GCNT2: variants seen among roughly 807,000 people sequenced by gnomAD.
GCNT2 encodes the protein N-acetyllactosaminide beta-1,6-N-acetylglucosaminyl-transferase.
GCNT2 carries 34 observed loss-of-function variants against 34.2 expected under a neutral mutation model. The ratio of observed to expected loss-of-function variants is 1.00; its 90% CI spans 0.76 to 1.32. The LOEUF is 1.32. GCNT2 is among the 40% of genes most tolerant of loss of function. The pLI is 0.00. For missense variants in GCNT2, 584 were observed against 489.4 expected, an observed-to-expected ratio of 1.19 and a Z score of -1.82; for synonymous variants, 212 against 188.0, an observed-to-expected ratio of 1.13 and a Z score of -1.04.
intron 3 of GCNT2, among the ~76,000 whole-genome samples, chr6:10,546,511 TAGCC>T (rs896695828): frequency 6.6e-6 from 1 of 151,918 alleles, no homozygotes; most frequent in African/African-American, 2.4e-5. Context: ...ACAAAAAAAT[TAGCC>T]AGGCGTGGTG....
At chr6:10,537,040 A>C (rs1454679677) in intron 3 of GCNT2, among the ~76,000 whole-genome samples, 1 of 152,144 alleles carries the variant, frequency 6.6e-6, no homozygotes, top group African/African-American at 2.4e-5. Flanking sequence ...CTGGGATTAC[A>C]GGTGTGAGCC....
rs561809090 is a variant in GCNT2 at position 10,540,087 on chromosome 6, G to A, written c.925+10251G>A. 2.4e-4 allele frequency among the ~76,000 whole-genome samples: 35 copies of A among 146,280 alleles called. No homozygotes were observed. In the South Asian group the frequency reaches 5.9e-3, roughly 25 times the overall value. On this transcript the variant is annotated intron_variant, in intron 3 of 4. Transcript: ENST00000495262. Reference sequence around the variant, plus strand: ...AGTGAGACCCCATCTCAAAAAAAAAGGAAGGAAAGGAAGGAAGGAAAAGGA... The same window carrying A: ...AGTGAGACCCCATCTCAAAAAAAAAAGAAGGAAAGGAAGGAAGGAAAAGGA...
chr6:10,543,810 C>CT (rs757127448), intron 3 of GCNT2, among the ~76,000 whole-genome samples: 2 of 152,128 alleles, frequency 1.3e-5, no homozygotes, highest in Non-Finnish European at 2.9e-5. Context: ...ACTGAGGACA[C>CT]TGAGATATGG....
chr6:10,533,272 C>T (rs1581367196), intron 3 of GCNT2, among the ~76,000 whole-genome samples: 1 of 151,962 alleles, frequency 6.6e-6, no homozygotes, highest in African/African-American at 2.4e-5. Context: ...TGCCACTGCA[C>T]TCGCGTCTGG....
intron 3 of GCNT2, among the ~76,000 whole-genome samples, chr6:10,534,910 A>C (rs1420815172): frequency 6.6e-6 from 1 of 152,146 alleles, no homozygotes; most frequent in Non-Finnish European, 1.5e-5. Context: ...GGGTCCGGGC[A>C]CAGTGGCTCA....
At chr6:10,564,235 G>A (rs1477424561) in intron 3 of GCNT2, among the ~76,000 whole-genome samples, 1 of 152,116 alleles carries the variant, frequency 6.6e-6, no homozygotes, top group Non-Finnish European at 1.5e-5. Context: ...TATGAAGACG[G>A]GACCAGAGGG....
At chr6:10,546,805 T>C (rs1178094406) in intron 3 of GCNT2, among the ~76,000 whole-genome samples, 1 of 152,186 alleles carries the variant, frequency 6.6e-6, no homozygotes, top group Non-Finnish European at 1.5e-5. Flanking sequence ...ATGTAAACAG[T>C]ACACAAAAGA....
intron 3 of GCNT2, among the ~76,000 whole-genome samples, chr6:10,612,936 T>C (rs1476442813): frequency 5.3e-5 from 8 of 152,244 alleles, no homozygotes; most frequent in Admixed American, 6.5e-5. Context: ...TCCTACATGT[T>C]TCTAAATTGA....
At chr6:10,598,698 G>A (rs953541692) in intron 3 of GCNT2, among the ~76,000 whole-genome samples, 1 of 152,120 alleles carries the variant, frequency 6.6e-6, no homozygotes, top group Non-Finnish European at 1.5e-5. Context: ...GTATTTTCTC[G>A]ATGTGCCCAG....
At chr6:10,556,341 T>C in intron 3 of GCNT2, 1 of 1,601,294 alleles carries the variant, frequency 6.2e-7, no homozygotes, top group Non-Finnish European at 8.5e-7. Context: ...TGTTGCAAAA[T>C]AAGAACTCAG....
intron 3 of GCNT2, among the ~76,000 whole-genome samples, chr6:10,593,511 A>ATGT: frequency 6.6e-6 from 1 of 151,904 alleles, no homozygotes; most frequent in Non-Finnish European, 1.5e-5. Flanking sequence ...CTCATTTTTA[A>ATGT]ATTTTGTGTA....
intron 3 of GCNT2, among the ~76,000 whole-genome samples, chr6:10,606,679 G>GGAA (rs1765334971): frequency 2.4e-5 from 1 of 42,412 alleles, no homozygotes; most frequent in East Asian, 4.5e-4. Flanking sequence ...ATTTAATAGT[G>GGAA]GTTGAGAAAT....
rs1761367396 is a variant in GCNT2, at chr6:10,529,457, TC to T, written c.549del (p.Trp184GlyfsTer14). On this transcript the variant is annotated frameshift_variant, in exon 3 of 5. Transcript: ENST00000495262. LOFTEE classifies it high-confidence loss of function. ...CLEDLVASEV[P>X]WKYVINTCGQ... ...TGGAAGACCTTGTGGCCTCTGAAGT[TC>T]CCTGGAAGTATGTCATCAACACCTG... is the stretch of plus-strand genomic sequence containing the variant. The T allele has an allele frequency of 6.2e-7, 1 of 1,614,064 alleles. No individual in the cohort carries two copies.
chr6:10,589,547 C>T (rs1764545323), intron 3 of GCNT2, among the ~76,000 whole-genome samples: 1 of 152,076 alleles, frequency 6.6e-6, no homozygotes, highest in Non-Finnish European at 1.5e-5. Flanking sequence ...TGTGCTGTCT[C>T]CGGGGTCCAT....
intron 3 of GCNT2, among the ~76,000 whole-genome samples, chr6:10,620,407 A>T (rs893661044): frequency 7.5e-5 from 11 of 146,414 alleles, no homozygotes; most frequent in Non-Finnish European, 1.5e-4. Context: ...TCTTTTTTTA[A>T]TTTTTTTTTT....
At chr6:10,528,358 A>G (rs1309531919) in intron 2 of GCNT2, 1 of 163,148 alleles carries the variant, frequency 6.1e-6, no homozygotes, top group African/African-American at 2.4e-5. Context: ...TTGATAGAAT[A>G]TCTCTCCAGG....
At chr6:10,572,715 C>T (rs2127398220) in intron 3 of GCNT2, among the ~76,000 whole-genome samples, 1 of 151,836 alleles carries the variant, frequency 6.6e-6, no homozygotes, top group African/African-American at 2.4e-5. Context: ...GCCTGGATGA[C>T]AGAGCGAGAC....
intron 3 of GCNT2, among the ~76,000 whole-genome samples, chr6:10,597,876 A>G (rs1764926505): frequency 6.6e-6 from 1 of 152,254 alleles, no homozygotes; most frequent in Non-Finnish European, 1.5e-5. Flanking sequence ...ATACTAAGCA[A>G]ATGGAAAGTA....
intron 4 of GCNT2, among the ~76,000 whole-genome samples, chr6:10,622,212 C>T (rs1186031089): frequency 2.0e-5 from 3 of 152,200 alleles, no homozygotes; most frequent in African/African-American, 7.2e-5. Context: ...TCAGTCCTGG[C>T]ACACACTGCA....
Sources: allele counts gnomAD v4.1 joint callset (sites outside exome capture counted in the v4.1 genomes callset), GRCh38; gene constraint gnomAD v4.1.1; transcripts MANE v1.5; gene names NCBI Gene and HGNC (gene_info 2026-07-23, HGNC 2026-07-21).